Variants in INTS4 observed in about 807,000 individuals in gnomAD.
INTS4 encodes MSTP093.
A neutral mutation model predicts 119.5 loss-of-function variants in INTS4; 70 were observed. The ratio of observed to expected loss-of-function variants is 0.59; its 90% CI spans 0.48 to 0.71. INTS4 has a LOEUF of 0.71. Among genes scored for constraint, INTS4 ranks in the 30% least tolerant of loss-of-function variants. INTS4 has a pLI of 0.00. For synonymous variants in INTS4, 316 were observed against 419.6 expected, an observed-to-expected ratio of 0.75 and a Z score of 3.02; for missense variants, 867 against 1,173.2, an observed-to-expected ratio of 0.74 and a Z score of 3.81.
At chr11:77,926,594 G>A (rs1953506325) in intron 11 of INTS4, among the ~76,000 whole-genome samples, 1 of 151,954 alleles carries the variant, frequency 6.6e-6, no homozygotes. Context: ...ATCACTTGAG[G>A]TCAGGAGTTC....
At chr11:77,944,866 C>T (rs986846597) in intron 8 of INTS4, among the ~76,000 whole-genome samples, 1 of 151,950 alleles carries the variant, frequency 6.6e-6, no homozygotes, top group Non-Finnish European at 1.5e-5. Flanking sequence ...CAAAACAAAA[C>T]AAAATCCAAA....
intron 9 of INTS4, among the ~76,000 whole-genome samples, chr11:77,940,824 C>T (rs1192384987): frequency 2.0e-5 from 3 of 152,000 alleles, no homozygotes; most frequent in African/African-American, 7.2e-5. Context: ...TTAGTTGAGA[C>T]AGGGTTCATC....
chr11:77,912,799 G>A (rs964493428), intron 15 of INTS4, among the ~76,000 whole-genome samples: 44 of 151,974 alleles, frequency 2.9e-4, no homozygotes, highest in Non-Finnish European at 1.6e-4. Flanking sequence ...CTTTAATTAC[G>A]AGACCAGTTC....
rs1565270543 is a variant in INTS4, at chr11:77,955,925, TA to T, written c.918+16del. 1 of 1,587,960 alleles carries T rather than the reference TA, an allele frequency of 6.3e-7. No homozygotes were observed. Among genetic ancestry groups the T allele is most frequent in the Admixed American group, 1.7e-5 (1 of 57,532 alleles). On this transcript the variant is annotated intron_variant, in intron 8 of 22. Coordinates refer to ENST00000534064, the MANE Select transcript of INTS4 (RefSeq NM_033547.4). ...ATATATACATGCATACATACATACA[TA>T]AAAAGTATAACTTACCAACAGTTTT...
chr11:77,934,122 G>A (rs1290896123), intron 10 of INTS4, among the ~76,000 whole-genome samples: 1 of 151,934 alleles, frequency 6.6e-6, no homozygotes, highest in Non-Finnish European at 1.5e-5. Flanking sequence ...AACATGTGCT[G>A]TGTCCACTCA....
intron 2 of INTS4, among the ~76,000 whole-genome samples, chr11:77,984,663 A>G (rs1394432726): frequency 2.0e-5 from 3 of 152,092 alleles, no homozygotes; most frequent in Admixed American, 1.3e-4. Context: ...CTTAACACAC[A>G]TGAACTGCAC....
chr11:77,900,200 A>G (rs1269552512), intron 18 of INTS4, among the ~76,000 whole-genome samples: 1 of 152,056 alleles, frequency 6.6e-6, no homozygotes, highest in East Asian at 1.9e-4. Context: ...CCCAGGTTCT[A>G]AAGATTCTCC....
chr11:77,940,722 T>C (rs1422242827), intron 9 of INTS4, among the ~76,000 whole-genome samples: 2 of 152,098 alleles, frequency 1.3e-5, no homozygotes, highest in Non-Finnish European at 2.9e-5. Context: ...CTGCAACCTC[T>C]GGTCTCCAGG....
Position 77,958,664 on chromosome 11 carries a change from T to C in INTS4, c.797+82A>G. On this transcript the variant is annotated intron_variant, in intron 7 of 22. Transcript: ENST00000534064. ...CCAAAAATGTAACCAACATTTCTTT[T>C]CTAGAAGTGGGCTTTTTGCATGGTG... 5 of 790,856 alleles carry C rather than the reference T, an allele frequency of 6.3e-6. No individual in the cohort carries two copies. The South Asian group carries it at 7.4e-5, about 12-fold the overall frequency. The allele number at this position is 790,856 out of a possible 1,614,324, so 49.0% of individuals were successfully genotyped here.
At chr11:77,927,231 C>A (rs560265382) in intron 11 of INTS4, among the ~76,000 whole-genome samples, 1 of 151,942 alleles carries the variant, frequency 6.6e-6, no homozygotes, top group African/African-American at 2.4e-5. Flanking sequence ...ATGTATGAGG[C>A]CACCCATGAA....
chr11:77,989,495 G>A (rs866228897), intron 2 of INTS4, among the ~76,000 whole-genome samples: 12 of 151,872 alleles, frequency 7.9e-5, no homozygotes, highest in African/African-American at 1.5e-4. Context: ...AAAATTCAGC[G>A]AAAAAATAGA....
intron 10 of INTS4, among the ~76,000 whole-genome samples, chr11:77,936,993 G>A (rs1448005471): frequency 2.0e-5 from 3 of 152,070 alleles, no homozygotes; most frequent in African/African-American, 7.2e-5. Context: ...TCGACAACAT[G>A]GCAAAACCCC....
At chr11:77,885,524 A>C (rs1250640301) in intron 21 of INTS4, among the ~76,000 whole-genome samples, 2 of 152,040 alleles carry the variant, frequency 1.3e-5, no homozygotes, top group East Asian at 3.9e-4. Flanking sequence ...TTTTTTTAGA[A>C]AATGAAGGGG....
At chr11:77,890,706 G>A (rs2136390204) in intron 21 of INTS4, among the ~76,000 whole-genome samples, 2 of 152,314 alleles carry the variant, frequency 1.3e-5, no homozygotes, top group South Asian at 4.2e-4. Context: ...AGCACTTAGT[G>A]CATGCAATAG....
chr11:77,988,820 A>G lies in INTS4; in HGVS notation c.246+2288T>C, dbSNP rs572184221. Among the ~76,000 whole-genome samples the G allele has an allele frequency of 2.0e-5, 3 of 152,248 alleles. No individual in the cohort carries two copies. In the South Asian group the frequency reaches 6.2e-4, roughly 31 times the overall value. On this transcript the variant is annotated intron_variant, in intron 2 of 22. Coordinates refer to ENST00000534064, the MANE Select transcript of INTS4 (RefSeq NM_033547.4). ...TCCTTAAAGAAGTAAATGAATTCAG[A>G]AAACAAGACATTTTACAAAAGAACT...
chr11:77,950,183 C>T (rs995049453), intron 8 of INTS4, among the ~76,000 whole-genome samples: 1 of 150,538 alleles, frequency 6.6e-6, no homozygotes, highest in Non-Finnish European at 1.5e-5. Context: ...CACATGGACA[C>T]AAGGAGGGAA....
chr11:77,893,926 A>AATAAATAT (rs1565227934), intron 19 of INTS4, among the ~76,000 whole-genome samples: 1 of 151,230 alleles, frequency 6.6e-6, no homozygotes, highest in Non-Finnish European at 1.5e-5. Context: ...TAAATAAATA[A>AATAAATAT]GAATGGTGTG....
At chr11:77,918,614 A>C (rs1395331434) in intron 15 of INTS4, among the ~76,000 whole-genome samples, 1 of 152,164 alleles carries the variant, frequency 6.6e-6, no homozygotes, top group Non-Finnish European at 1.5e-5. Context: ...TGTACTAATC[A>C]TCAATCGAGT....
intron 15 of INTS4, among the ~76,000 whole-genome samples, chr11:77,915,566 A>G (rs1953186880): frequency 6.6e-6 from 1 of 151,988 alleles, no homozygotes; most frequent in Non-Finnish European, 1.5e-5. Flanking sequence ...AGCCCAGGAC[A>G]CCCTCAACTT....
Sources: gnomAD v4.1 joint callset for allele counts (sites outside exome capture counted in the v4.1 genomes callset) on GRCh38, gnomAD v4.1.1 for gene constraint, MANE v1.5 for transcripts, NCBI Gene and HGNC (gene_info 2026-07-23, HGNC 2026-07-21) for gene names.